Variants in TFG observed in about 807,000 individuals in gnomAD.
The protein encoded by TFG is protein TFG.
Under a neutral mutation model 51.4 loss-of-function variants are expected in TFG, and 22 were observed. That is an observed-to-expected ratio of 0.43 (90% CI 0.31 to 0.61). TFG has a LOEUF of 0.61. TFG is among the 20% of genes least tolerant of loss of function. The probability of loss-of-function intolerance (pLI) is 0.12; values close to 1 mark genes in which losing one functional copy is unlikely to be tolerated. For missense variants in TFG, 419 were observed against 487.7 expected, an observed-to-expected ratio of 0.86 and a Z score of 1.33; for synonymous variants, 187 against 165.6, an observed-to-expected ratio of 1.13 and a Z score of -0.99.
At chr3:100,724,840 T>C (rs923327439) in intron 3 of TFG, among the ~76,000 whole-genome samples, 11 of 152,194 alleles carry the variant, frequency 7.2e-5, no homozygotes, top group Admixed American at 7.2e-4. Context: ...CTAGATCATC[T>C]CTAGATAAAG....
chr3:100,727,429 G>C (rs1446043930), intron 3 of TFG, among the ~76,000 whole-genome samples: 5 of 152,192 alleles, frequency 3.3e-5, no homozygotes, highest in African/African-American at 1.2e-4. Context: ...GTTTAACAAA[G>C]AATCGCCCTG....
chr3:100,746,519 ACT>A (rs1559724969), intron 7 of TFG, among the ~76,000 whole-genome samples: 1 of 152,076 alleles, frequency 6.6e-6, no homozygotes, highest in East Asian at 1.9e-4. Flanking sequence ...TAAAAAAAAA[ACT>A]CACATAATTT....
intron 2 of TFG, 22 bp from the exon 3 acceptor site, chr3:100,719,953 C>CTTT (rs760798289): frequency 5.2e-6 from 6 of 1,159,190 alleles, no homozygotes; most frequent in South Asian, 3.2e-5. Flanking sequence ...AAAAAACAAC[C>CTTT]TTTTTTTTTT....
Position 100,728,846 on chromosome 3 carries a change from A to G in TFG, c.403A>G (p.Ile135Val), listed in dbSNP as rs1387611876. The G allele has an allele frequency of 6.2e-7, 1 of 1,604,808 alleles. No individual in the cohort carries two copies. Among genetic ancestry groups the G allele is most frequent in the Non-Finnish European group, 8.5e-7 (1 of 1,176,518 alleles). ...TGGAGAACCAGGACCTTCCACCAAT[A>G]TTCCTGAAAATGGTAAACCCTGAAT... is the stretch of plus-strand genomic sequence containing the variant. ...PPGEPGPSTN[I>V]PENDTVDGRE... The change falls in exon 4 of 8, where the codon ATT becomes GTT. Residue 135 changes from isoleucine (I) to valine (V), a missense_variant. This residue lies in a region of TFG where 391 missense variants were observed against 434.4 expected (regional missense o/e 0.90). Transcript: ENST00000240851.
At chr3:100,722,100 G>A (rs1180358384) in intron 3 of TFG, among the ~76,000 whole-genome samples, 3 of 152,124 alleles carry the variant, frequency 2.0e-5, no homozygotes, top group African/African-American at 7.2e-5. Flanking sequence ...GCAGTGAGTC[G>A]AGATCGCGCC....
At chr3:100,720,675 A>G (rs1052198659) in intron 3 of TFG, among the ~76,000 whole-genome samples, 2 of 152,246 alleles carry the variant, frequency 1.3e-5, no homozygotes, top group African/African-American at 2.4e-5. Flanking sequence ...CAGGCCACAG[A>G]GTAGCACTGG....
rs1216906084 is a variant in TFG, at chr3:100,740,111, ACTTACATGTTTCTAAAATCC to A, written c.721+3415_721+3434del. On this transcript the variant is annotated intron_variant, in intron 6 of 7. Coordinates refer to ENST00000240851, the MANE Select transcript of TFG (RefSeq NM_006070.6). Reference sequence around the variant, plus strand: ...TTTTTTCTAATAGCCATTAGAAAAAACTTACATGTTTCTAAAATCCCTTACATGTTTCTAAAATCAAAACT... The same window carrying A: ...TTTTTTCTAATAGCCATTAGAAAAAACTTACATGTTTCTAAAATCAAAACT... Among the ~76,000 whole-genome samples, 5 of 152,134 alleles carry A rather than the reference ACTTACATGTTTCTAAAATCC, an allele frequency of 3.3e-5. No homozygotes were observed. In the East Asian group the frequency reaches 5.8e-4, roughly 18 times the overall value.
chr3:100,745,747 G>A (rs1037960943), intron 7 of TFG, among the ~76,000 whole-genome samples: 6 of 152,192 alleles, frequency 3.9e-5, no homozygotes, highest in Non-Finnish European at 7.3e-5. Flanking sequence ...ATCAGCTAGA[G>A]CAGGAGTCAG....
intron 2 of TFG, among the ~76,000 whole-genome samples, chr3:100,719,621 T>G (rs527286821): frequency 6.6e-6 from 1 of 152,188 alleles, no homozygotes; most frequent in Non-Finnish European, 1.5e-5. Flanking sequence ...AAGATGTAAA[T>G]TTTTTGGAAT....
chr3:100,719,839 T>A (rs1183059110), intron 2 of TFG, 136 bp from the exon 3 acceptor site: 1 of 536,348 alleles, frequency 1.9e-6, no homozygotes, highest in African/African-American at 2.0e-5. Context: ...CCTTTAAAGT[T>A]TAAGGTTTCT....
chr3:100,742,864 A>T (rs564722084), intron 6 of TFG: 1 of 151,182 alleles, frequency 6.6e-6, no homozygotes, highest in East Asian at 1.9e-4. Flanking sequence ...TTTCAAAATC[A>T]ATTTATAGCA....
At chr3:100,737,382 C>T (rs934431904) in intron 6 of TFG, among the ~76,000 whole-genome samples, 3 of 152,178 alleles carry the variant, frequency 2.0e-5, no homozygotes, top group African/African-American at 7.2e-5. Context: ...CCTGAAAGCT[C>T]CATATTTAAA....
intron 6 of TFG, 48 bp downstream of exon 6, chr3:100,736,764 G>A (rs2095107711): frequency 6.3e-7 from 1 of 1,582,970 alleles, no homozygotes; most frequent in African/African-American, 1.4e-5. Context: ...ATGTGTAGAA[G>A]TGTTTATTAC....
rs945735660 is a variant in TFG at position 100,748,651 on chromosome 3, T to TATC, written c.*123_*125dup. On this transcript the variant is annotated 3_prime_UTR_variant, in exon 8 of 8. Coordinates refer to ENST00000240851, the MANE Select transcript of TFG (RefSeq NM_006070.6). ...TTTAAAAGCAGAGCATTTTTTATGA[T>TATC]ATCATTGTTGGTGTTAATTGAAAGT... The TATC allele has an allele frequency of 8.7e-7, 1 of 1,148,970 alleles. No individual in the cohort carries two copies. Among genetic ancestry groups the TATC allele is most frequent in the South Asian group, 1.8e-5 (1 of 55,980 alleles). 71.2% of individuals were successfully genotyped at this position (1,148,970 alleles called of 1,614,324 possible).
intron 6 of TFG, 190 bp from the exon 7 acceptor site, chr3:100,744,643 A>G: frequency 2.3e-6 from 1 of 439,590 alleles, no homozygotes; most frequent in East Asian, 3.5e-5. Flanking sequence ...CAGTTAATCC[A>G]CAGCAGAGGA....
chr3:100,748,284 A>T lies in TFG; in HGVS notation c.956A>T (p.Tyr319Phe). ...QQLPAQPPQQ[Y>F]QASNYPAQTY... ...CTGCCTGCTCAGCCGCCACAGCAGTACCAGGCGAGCAATTATCCTGCACAA... is the reference window on the plus strand; with the variant it reads ...CTGCCTGCTCAGCCGCCACAGCAGTTCCAGGCGAGCAATTATCCTGCACAA... Residue 319 changes from tyrosine (Y) to phenylalanine (F), a missense_variant, in exon 8 of 8, where the codon TAC (tyrosine) becomes TTC (phenylalanine). By Grantham distance (22) the Tyr-to-Phe change is conservative. Coordinates refer to ENST00000240851, the MANE Select transcript of TFG (RefSeq NM_006070.6). 6.2e-7 allele frequency: 1 copy of T among 1,614,112 alleles called. No individual in the cohort carries two copies. The highest frequency in any genetic ancestry group is 8.5e-7 in the Non-Finnish European group (1 of 1,179,990).
At position 100,748,244 on chromosome 3, in the gene TFG, G is replaced by T; in HGVS notation, c.916G>T (p.Gly306Cys). Residue 306 changes from glycine to cysteine, a missense_variant, in exon 8 of 8, where the codon GGT (glycine) becomes TGT (cysteine). By Grantham distance (159) the Gly-to-Cys change is radical (BLOSUM62 -3). Around this residue, in one of 3 missense-constraint regions of TFG, gnomAD observed 391 missense variants for 434.4 expected, o/e 0.90. Coordinates refer to ENST00000240851, the MANE Select transcript of TFG (RefSeq NM_006070.6). ...CCAGGCACCAGCTCCTGCCTTTTCT[G>T]GTCAGCCTCAACAACTGCCTGCTCA... is the stretch of plus-strand genomic sequence containing the variant. ...TSQAPAPAFS[G>C]QPQQLPAQPP... 6.2e-7 allele frequency: 1 copy of T among 1,614,036 alleles called. No homozygotes were observed. Among genetic ancestry groups the T allele is most frequent in the Non-Finnish European group, 8.5e-7 (1 of 1,179,998 alleles).
chr3:100,718,216 T>C (rs1472601885), intron 2 of TFG, among the ~76,000 whole-genome samples: 2 of 152,216 alleles, frequency 1.3e-5, no homozygotes, highest in Non-Finnish European at 2.9e-5. Flanking sequence ...CATGAGCCAG[T>C]GTGCCTGGCC....
chr3:100,720,805 A>G (rs2095058654), intron 3 of TFG, among the ~76,000 whole-genome samples: 1 of 152,246 alleles, frequency 6.6e-6, no homozygotes, highest in Admixed American at 6.5e-5. Context: ...TTAGATCTTA[A>G]TAGATATGCA....
Sources: allele counts gnomAD v4.1 joint callset (sites outside exome capture counted in the v4.1 genomes callset), GRCh38; gene constraint gnomAD v4.1.1; regional missense constraint gnomAD v4.1.1; transcripts MANE v1.5; gene names NCBI Gene and HGNC (gene_info 2026-07-23, HGNC 2026-07-21).